Variants in CHRNB3 observed in about 807,000 individuals in gnomAD.
CHRNB3 encodes the protein cholinergic receptor nicotinic beta 3 subunit, also known as neuronal acetylcholine receptor subunit beta-3.
Under a neutral mutation model 40.6 loss-of-function variants are expected in CHRNB3, and 37 were observed. The ratio of observed to expected loss-of-function variants is 0.91; its 90% CI spans 0.70 to 1.20. CHRNB3 has a LOEUF of 1.20. CHRNB3 is among the 50% of genes most tolerant of loss of function. The pLI is 0.00. For synonymous variants in CHRNB3, 207 were observed against 207.1 expected (o/e 1.00, Z 0.00); for missense variants, 505 against 551.2 (o/e 0.92, Z 0.84).
Position 42,720,111 on chromosome 8 carries a change from CTTTTTTTTTTTTTTTTTTTTT to C in CHRNB3, c.249+9691_249+9711del, listed in dbSNP as rs869178430. Among the ~76,000 whole-genome samples the C allele has an allele frequency of 1.0e-4, 5 of 48,746 alleles. No homozygotes were observed. In the Admixed American group the frequency reaches 1.4e-3, roughly 14 times the overall value. The allele number at this position is 48,746 out of a possible 152,430, so 32.0% of individuals were successfully genotyped here. ...CAACCCTGCCCCACTCAGAAGCCTT[CTTTTTTTTTTTTTTTTTTTTT>C]TTTTTTTTTTTTTGAGATGGAGTCT... On this transcript the variant is annotated intron_variant, in intron 3 of 5. Transcript: ENST00000289957.
At chr8:42,714,563 C>T (rs992324695) in intron 3 of CHRNB3, among the ~76,000 whole-genome samples, 1 of 151,472 alleles carries the variant, frequency 6.6e-6, no homozygotes, top group African/African-American at 2.4e-5. Flanking sequence ...AAAAAAAAAA[C>T]CATGAAAAGA....
chr8:42,728,379 C>T (rs1181267078), intron 3 of CHRNB3, among the ~76,000 whole-genome samples: 3 of 151,860 alleles, frequency 2.0e-5, no homozygotes, highest in South Asian at 2.1e-4. Context: ...AACAATTAGC[C>T]GGGTGTGGTG....
At position 42,736,765 on chromosome 8, in the gene CHRNB3, G is replaced by A; in HGVS notation, c.*147G>A. On this transcript the variant is annotated 3_prime_UTR_variant, in exon 6 of 6. Coordinates refer to ENST00000289957, the MANE Select transcript of CHRNB3 (RefSeq NM_000749.5). Reference sequence around the variant, plus strand: ...AACATCTCCTCATGGGAGAAACTCTGGTAAATGTGCTCATTTGTGGTTGCC... The same window carrying A: ...AACATCTCCTCATGGGAGAAACTCTAGTAAATGTGCTCATTTGTGGTTGCC... The A allele has an allele frequency of 1.0e-6, 1 of 974,278 alleles. No individual in the cohort carries two copies. Among genetic ancestry groups the A allele is most frequent in the East Asian group, 2.4e-5 (1 of 41,428 alleles). The allele number at this position is 974,278 out of a possible 1,614,324, so 60.4% of individuals were successfully genotyped here. A position where few individuals can be genotyped will look rare whatever the true frequency, so the allele number is the denominator to read the frequency against.
At chr8:42,700,414 T>C (rs1815770344) in intron 1 of CHRNB3, among the ~76,000 whole-genome samples, 1 of 152,026 alleles carries the variant, frequency 6.6e-6, no homozygotes, top group African/African-American at 2.4e-5. Flanking sequence ...CTTTGCCTCC[T>C]GGATTGAAGG....
chr8:42,736,702 T>C lies in CHRNB3; in HGVS notation c.*84T>C. 4 of 1,500,492 alleles carry C rather than the reference T, an allele frequency of 2.7e-6. No homozygotes were observed. The highest frequency in any genetic ancestry group is 3.7e-6 in the Non-Finnish European group (4 of 1,085,544). 92.9% of individuals were successfully genotyped at this position (1,500,492 alleles called of 1,614,324 possible). ...GACAGAATCCAAATGCATGTGCTTG[T>C]TCTACGAACCCCGAATGCGTTGTCT... On this transcript the variant is annotated 3_prime_UTR_variant, in exon 6 of 6. Coordinates refer to ENST00000289957, the MANE Select transcript of CHRNB3 (RefSeq NM_000749.5).
In CHRNB3 at chr8:42,723,652, G is replaced by T. The variant is rs540638138; in HGVS notation, c.250-6942G>T. On this transcript the variant is annotated intron_variant, in intron 3 of 5. Transcript: ENST00000289957. ...ACTCAGTGTGCAGGGCACCTCTGGAGTAGTGGCTGCATGGATGACCCAGCC... is the reference window on the plus strand; with the variant it reads ...ACTCAGTGTGCAGGGCACCTCTGGATTAGTGGCTGCATGGATGACCCAGCC... 1.5e-4 allele frequency among the ~76,000 whole-genome samples: 23 copies of T among 152,284 alleles called. No individual in the cohort carries two copies. The East Asian group carries it at 2.3e-3, about 15-fold the overall frequency.
chr8:42,719,235 G>A (rs1300023136), intron 3 of CHRNB3, among the ~76,000 whole-genome samples: 2 of 152,174 alleles, frequency 1.3e-5, no homozygotes, highest in Non-Finnish European at 2.9e-5. Flanking sequence ...TGGCTGCTCA[G>A]CTGGGCACTG....
chr8:42,726,184 A>G, intron 3 of CHRNB3: 2 of 1,197,454 alleles, frequency 1.7e-6, no homozygotes, highest in South Asian at 2.5e-5. Context: ...TTTTCAGGAG[A>G]TTTTCTGGAA....
At position 42,720,111 on chromosome 8, in the gene CHRNB3, C is replaced by CTTTTTTTTTTTT. The variant is rs869178430; in HGVS notation, c.249+9700_249+9711dup. On this transcript the variant is annotated intron_variant, in intron 3 of 5. Coordinates refer to ENST00000289957, the MANE Select transcript of CHRNB3 (RefSeq NM_000749.5). ...CAACCCTGCCCCACTCAGAAGCCTT[C>CTTTTTTTTTTTT]TTTTTTTTTTTTTTTTTTTTTTTTT... is the stretch of plus-strand genomic sequence containing the variant. Among the ~76,000 whole-genome samples, 7 of 48,808 alleles carry CTTTTTTTTTTTT rather than the reference C, an allele frequency of 1.4e-4. 2 individuals carry two copies. The highest frequency in any genetic ancestry group is 4.5e-4 in the African/African-American group (5 of 11,220). The allele number at this position is 48,808 out of a possible 152,430, so 32.0% of individuals were successfully genotyped here.
chr8:42,711,125 GT>G (rs1386197526), intron 3 of CHRNB3, among the ~76,000 whole-genome samples: 2 of 152,090 alleles, frequency 1.3e-5, no homozygotes, highest in Admixed American at 6.6e-5. Context: ...TCAAATCCCA[GT>G]TTCGCATATG....
chr8:42,716,869 T>C (rs1347594433), intron 3 of CHRNB3, among the ~76,000 whole-genome samples: 1 of 152,094 alleles, frequency 6.6e-6, no homozygotes, highest in African/African-American at 2.4e-5. Flanking sequence ...GAGGACTAAA[T>C]GACCCGGCTT....
chr8:42,717,954 T>C (rs1244365393), intron 3 of CHRNB3, among the ~76,000 whole-genome samples: 1 of 150,502 alleles, frequency 6.6e-6, no homozygotes, highest in Non-Finnish European at 1.5e-5. Context: ...CACCTCATCC[T>C]CCTGAGTAGC....
chr8:42,697,541 A>G lies in CHRNB3; in HGVS notation c.-6A>G, dbSNP rs1243414366. Reference sequence around the variant, plus strand: ...AAGAAACTGTCTTTCTGAAACTGACATCACGATGCTCCCAGATTTTATGCT... The same window carrying G: ...AAGAAACTGTCTTTCTGAAACTGACGTCACGATGCTCCCAGATTTTATGCT... On this transcript the variant is annotated 5_prime_UTR_variant, in exon 1 of 6. Transcript: ENST00000289957. The G allele has an allele frequency of 6.2e-7, 1 of 1,612,738 alleles. No homozygotes were observed. Among genetic ancestry groups the G allele is most frequent in the East Asian group, 2.2e-5 (1 of 44,886 alleles).
chr8:42,719,703 T>C (rs1049945023), intron 3 of CHRNB3, among the ~76,000 whole-genome samples: 22 of 152,092 alleles, frequency 1.4e-4, no homozygotes, highest in African/African-American at 5.3e-4. Context: ...GGGAGAACGC[T>C]CTGTGATTCC....
chr8:42,731,256 A>G (rs948794354), intron 4 of CHRNB3, among the ~76,000 whole-genome samples: 2 of 151,878 alleles, frequency 1.3e-5, no homozygotes, highest in Non-Finnish European at 2.9e-5. Context: ...GCGTTGTGGT[A>G]GAAAAGTCCT....
At chr8:42,724,753 C>T (rs1348526192) in intron 3 of CHRNB3, among the ~76,000 whole-genome samples, 2 of 152,038 alleles carry the variant, frequency 1.3e-5, no homozygotes, top group East Asian at 1.9e-4. Context: ...CCGAGGCGGG[C>T]GGATCACCTG....
At position 42,732,161 on chromosome 8, in the gene CHRNB3, T is replaced by G. The variant is rs1234313589; in HGVS notation, c.854T>G (p.Ile285Ser). 2.5e-6 allele frequency: 4 copies of G among 1,610,510 alleles called. No homozygotes were observed. The East Asian group carries it at 8.9e-5, about 36-fold the overall frequency. The change falls in exon 5 of 6, where the codon ATC (isoleucine) becomes AGC (serine). Residue 285 changes from isoleucine to serine, a missense_variant. Physicochemically the swap from Ile to Ser is moderately radical, Grantham distance 142 (BLOSUM62 -2). Transcript: ENST00000289957. Reference protein sequence around the residue: ...LTVFLLVIEEIIPSSSKVIPL... With the variant: ...LTVFLLVIEESIPSSSKVIPL... The stretch of plus-strand genomic sequence containing the variant: ...GTTTTCCTTTTAGTGATTGAAGAAA[T>G]CATCCCATCGTCTTCCAAAGTCATT...
chr8:42,728,973 A>G lies in CHRNB3; in HGVS notation c.250-1621A>G, dbSNP rs151227326. 1.7e-3 allele frequency among the ~76,000 whole-genome samples: 255 copies of G among 152,208 alleles called. 1 individual carries two copies. Among genetic ancestry groups the G allele is most frequent in the African/African-American group, 5.9e-3 (243 of 41,520 alleles). The stretch of plus-strand genomic sequence containing the variant: ...CCTTAGCAGGAGACAAATTATTCCT[A>G]GGAAGGAGATTATATTTGTTCTTCG... On this transcript the variant is annotated intron_variant, in intron 3 of 5. Coordinates refer to ENST00000289957, the MANE Select transcript of CHRNB3 (RefSeq NM_000749.5).
At chr8:42,717,625 C>T (rs62518181) in intron 3 of CHRNB3, among the ~76,000 whole-genome samples, 1 of 151,448 alleles carries the variant, frequency 6.6e-6, no homozygotes, top group East Asian at 1.9e-4. Context: ...GTAAGAATTG[C>T]GTAGGGGTCA....
Sources: allele counts gnomAD v4.1 joint callset (sites outside exome capture counted in the v4.1 genomes callset), GRCh38; gene constraint gnomAD v4.1.1; transcripts MANE v1.5; gene names NCBI Gene and HGNC (gene_info 2026-07-23, HGNC 2026-07-21).